The following RPSA2 variants were observed in gnomAD, a reference collection of about 807,000 sequenced individuals.
RPSA2 encodes ribosomal protein SA 2.
the RPSA2 span, among the ~76,000 whole-genome samples, chr19:23,840,832 C>T: frequency 2.6e-4 from 39 of 151,570 alleles, no homozygotes; most frequent in East Asian, 5.3e-3. Context: ...CACTGTGGCA[C>T]GTGCCTGTAA....
At chr19:23,814,271 T>A in the RPSA2 span, among the ~76,000 whole-genome samples, 3 of 151,986 alleles carry the variant, frequency 2.0e-5, no homozygotes, top group Non-Finnish European at 4.4e-5. Context: ...TTTTCACTTA[T>A]AGTTTCAGGA....
the RPSA2 span, among the ~76,000 whole-genome samples, chr19:23,853,786 A>T: frequency 6.6e-6 from 1 of 152,160 alleles, no homozygotes; most frequent in Non-Finnish European, 1.5e-5. Flanking sequence ...GCTGAATTGT[A>T]CCCTTTTGAC....
chr19:23,793,793 T>C, the RPSA2 span, among the ~76,000 whole-genome samples: 2 of 152,100 alleles, frequency 1.3e-5, no homozygotes, highest in African/African-American at 2.4e-5. Context: ...CTTGAATTCC[T>C]GACGTGGTGA....
chr19:23,776,347 A>G, the RPSA2 span, among the ~76,000 whole-genome samples: 1 of 152,126 alleles, frequency 6.6e-6, no homozygotes, highest in Admixed American at 6.6e-5. Context: ...GGGCATTTGG[A>G]CATATCACTG....
chr19:23,772,138 T>C, the RPSA2 span, among the ~76,000 whole-genome samples: 1 of 152,198 alleles, frequency 6.6e-6, no homozygotes. Flanking sequence ...GTAAAAGATG[T>C]GACATTTCTT....
At chr19:23,836,362 C>A in the RPSA2 span, among the ~76,000 whole-genome samples, 289 of 151,938 alleles carry the variant, frequency 1.9e-3, no homozygotes, top group Non-Finnish European at 2.1e-3. Context: ...TTCCAACACA[C>A]ACACACACAG....
the RPSA2 span, among the ~76,000 whole-genome samples, chr19:23,821,938 C>T: frequency 6.6e-6 from 1 of 152,166 alleles, no homozygotes; most frequent in Non-Finnish European, 1.5e-5. Context: ...ATGTACACCT[C>T]GGTGGCCACT....
At chr19:23,821,769 G>T in the RPSA2 span, among the ~76,000 whole-genome samples, 1 of 152,094 alleles carries the variant, frequency 6.6e-6, no homozygotes, top group Non-Finnish European at 1.5e-5. Flanking sequence ...CCATCTCTTG[G>T]CTCGCTGTTC....
chr19:23,829,013 T>TG, the RPSA2 span, among the ~76,000 whole-genome samples: 5 of 152,116 alleles, frequency 3.3e-5, 1 homozygote, highest in South Asian at 1.0e-3. Flanking sequence ...TATTTTTTGA[T>TG]GTCCTTCTTT....
chr19:23,782,924 G>A, the RPSA2 span, among the ~76,000 whole-genome samples: 4 of 151,964 alleles, frequency 2.6e-5, no homozygotes, highest in African/African-American at 9.7e-5. Context: ...ATCCCCTCAG[G>A]GGTATTGTGA....
chr19:23,789,818 C>T, the RPSA2 span, among the ~76,000 whole-genome samples: 6 of 151,698 alleles, frequency 4.0e-5, no homozygotes, highest in African/African-American at 1.2e-4. Context: ...GCTGGGACTA[C>T]AGGCATGTAC....
the RPSA2 span, among the ~76,000 whole-genome samples, chr19:23,767,597 G>A: frequency 1.3e-5 from 2 of 152,022 alleles, no homozygotes; most frequent in African/African-American, 2.4e-5. Context: ...TCCTGGGAAG[G>A]TGGTCACTGA....
At chr19:23,832,573 T>C in the RPSA2 span, 1 of 1,023,634 alleles carries the variant, frequency 9.8e-7, no homozygotes. Flanking sequence ...AATGTGGCAA[T>C]GCTTTTAGCC....
chr19:23,761,579 G>A, the RPSA2 span, among the ~76,000 whole-genome samples: 2 of 151,870 alleles, frequency 1.3e-5, no homozygotes, highest in Admixed American at 6.6e-5. Flanking sequence ...AATATAATGC[G>A]TATTGAGAAA....
chr19:23,807,455 T>C, the RPSA2 span, among the ~76,000 whole-genome samples: 2 of 152,336 alleles, frequency 1.3e-5, no homozygotes, highest in African/African-American at 4.8e-5. Context: ...AGTCAACATG[T>C]CTATTTTGTC....
the RPSA2 span, among the ~76,000 whole-genome samples, chr19:23,829,620 A>G: frequency 1.3e-4 from 20 of 152,316 alleles, 1 homozygote; most frequent in South Asian, 4.1e-3. Context: ...TATTTATACA[A>G]ATATTTTTGT....
chr19:23,795,035 A>G, the RPSA2 span, among the ~76,000 whole-genome samples: 1 of 152,038 alleles, frequency 6.6e-6, no homozygotes, highest in South Asian at 2.1e-4. Flanking sequence ...TTGGTCTATG[A>G]GTTTGTTTCT....
At chr19:23,802,236 A>AG in the RPSA2 span, among the ~76,000 whole-genome samples, 44 of 151,494 alleles carry the variant, frequency 2.9e-4, no homozygotes, top group Middle Eastern at 0.014. Context: ...AGTGTAAACA[A>AG]GCATCTTAGG....
chr19:23,848,421 T>C, the RPSA2 span, among the ~76,000 whole-genome samples: 1 of 152,188 alleles, frequency 6.6e-6, no homozygotes, highest in South Asian at 2.1e-4. Context: ...ATACCAAACA[T>C]TACTACAATG....
Sources: allele counts gnomAD v4.1 joint callset (sites outside exome capture counted in the v4.1 genomes callset), GRCh38; gene constraint gnomAD v4.1.1; transcripts MANE v1.5; gene names NCBI Gene and HGNC (gene_info 2026-07-23, HGNC 2026-07-21).